Variants in GTF2A1L observed in about 807,000 individuals in gnomAD.
GTF2A1L encodes the protein general transcription factor IIA subunit 1 like.
A neutral mutation model predicts 49.7 loss-of-function variants in GTF2A1L; 48 were observed. The observed-to-expected ratio is 0.97, with a 90% CI of 0.77 to 1.23. The LOEUF is 1.23. Ranked by LOEUF, GTF2A1L falls within the 50% of genes most tolerant of loss-of-function variation. The pLI is 0.00. For synonymous variants in GTF2A1L, 246 were observed against 193.5 expected, an observed-to-expected ratio of 1.27 and a Z score of -2.25; for missense variants, 736 against 564.8, an observed-to-expected ratio of 1.30 and a Z score of -3.07.
intron 8 of GTF2A1L, among the ~76,000 whole-genome samples, chr2:48,677,095 T>C (rs145637643): frequency 6.6e-6 from 1 of 152,066 alleles, no homozygotes; most frequent in East Asian, 1.9e-4. Flanking sequence ...CATAGGCCTA[T>C]GCTACTCTGA....
At chr2:48,664,874 C>G (rs185243099) in intron 6 of GTF2A1L, among the ~76,000 whole-genome samples, 11 of 152,218 alleles carry the variant, frequency 7.2e-5, no homozygotes, top group African/African-American at 2.4e-4. Context: ...CTGTCTGTCT[C>G]TCTCTCTTTC....
intron 3 of GTF2A1L, among the ~76,000 whole-genome samples, chr2:48,631,312 G>C (rs1676556597): frequency 6.6e-6 from 1 of 151,982 alleles, no homozygotes; most frequent in African/African-American, 2.4e-5. Flanking sequence ...ACTCGATATT[G>C]GTCTGTTCAG....
chr2:48,636,016 C>T (rs1005576242), intron 3 of GTF2A1L, among the ~76,000 whole-genome samples: 2 of 152,162 alleles, frequency 1.3e-5, no homozygotes, highest in Non-Finnish European at 2.9e-5. Flanking sequence ...GCTTCACTTA[C>T]TTTTATCAGC....
At chr2:48,631,446 A>G (rs1676567847) in intron 3 of GTF2A1L, among the ~76,000 whole-genome samples, 1 of 151,678 alleles carries the variant, frequency 6.6e-6, no homozygotes, top group African/African-American at 2.4e-5. Context: ...GATCTTTTGT[A>G]TTTCTGTGAT....
At chr2:48,663,530 T>G (rs1026622936) in intron 6 of GTF2A1L, among the ~76,000 whole-genome samples, 1 of 152,222 alleles carries the variant, frequency 6.6e-6, no homozygotes, top group Non-Finnish European at 1.5e-5. Context: ...CCTAGAAGTA[T>G]TAAAGTGTAA....
chr2:48,674,384 TC>T (rs1304280804), intron 8 of GTF2A1L, among the ~76,000 whole-genome samples: 5 of 152,116 alleles, frequency 3.3e-5, no homozygotes, highest in Admixed American at 1.3e-4. Flanking sequence ...CTTTTTTTTT[TC>T]CAGTCACAAT....
intron 6 of GTF2A1L, among the ~76,000 whole-genome samples, chr2:48,657,003 T>G (rs1479090443): frequency 1.3e-5 from 2 of 152,246 alleles, no homozygotes; most frequent in Admixed American, 1.3e-4. Flanking sequence ...TGACGTTTTA[T>G]GTAACGGTTT....
chr2:48,640,184 A>G (rs1032813188), intron 3 of GTF2A1L, among the ~76,000 whole-genome samples: 8 of 152,188 alleles, frequency 5.3e-5, no homozygotes, highest in African/African-American at 1.4e-4. Flanking sequence ...TGACCCAGCA[A>G]TCTCATTACT....
rs1679170318 is a variant in GTF2A1L at position 48,671,607 on chromosome 2, G to C, written c.1256G>C (p.Gly419Ala). The change falls in exon 8 of 9, where the codon GGA becomes GCA. Residue 419 changes from glycine (G) to alanine (A), a missense_variant. Physicochemically the swap from Gly to Ala is moderately conservative, Grantham distance 60. Coordinates refer to ENST00000403751, the MANE Select transcript of GTF2A1L (RefSeq NM_006872.5). ...NIVEEDPLNS[G>A]DDVSEQDVPD... ...CGTCTTTAGGACCCTTTAAATTCTG[G>C]AGATGATGTTAGTGAACAGGATGTG... is the stretch of plus-strand genomic sequence containing the variant. The C allele has an allele frequency of 3.7e-6, 6 of 1,613,082 alleles. No homozygotes were observed. The highest frequency in any genetic ancestry group is 5.1e-6 in the Non-Finnish European group (6 of 1,179,534).
chr2:48,661,777 T>A (rs1486865674), intron 6 of GTF2A1L, among the ~76,000 whole-genome samples: 1 of 152,202 alleles, frequency 6.6e-6, no homozygotes, highest in Non-Finnish European at 1.5e-5. Context: ...TCTTTTCCCT[T>A]CCAACCTATT....
chr2:48,671,239 G>T (rs1230067309), intron 7 of GTF2A1L, among the ~76,000 whole-genome samples: 1 of 152,060 alleles, frequency 6.6e-6, no homozygotes, highest in Non-Finnish European at 1.5e-5. Flanking sequence ...GTCTCGCTCT[G>T]TCGCTCAGGC....
chr2:48,650,283 C>A (rs1439214450), intron 6 of GTF2A1L, among the ~76,000 whole-genome samples: 1 of 151,904 alleles, frequency 6.6e-6, no homozygotes, highest in Non-Finnish European at 1.5e-5. Context: ...TGAATCCTGG[C>A]TGAATGATCA....
intron 3 of GTF2A1L, among the ~76,000 whole-genome samples, chr2:48,631,270 G>A (rs1381006820): frequency 1.3e-5 from 2 of 151,948 alleles, no homozygotes; most frequent in Non-Finnish European, 1.5e-5. Context: ...TTTTTTGGGT[G>A]GTAGGTTTTT....
chr2:48,656,014 C>G (rs543006390), intron 6 of GTF2A1L, among the ~76,000 whole-genome samples: 1 of 152,282 alleles, frequency 6.6e-6, no homozygotes, highest in South Asian at 2.1e-4. Context: ...CAGAACTTAT[C>G]TCCTTGTTTT....
intron 8 of GTF2A1L, among the ~76,000 whole-genome samples, chr2:48,672,519 G>A (rs1277046663): frequency 6.6e-6 from 1 of 152,170 alleles, no homozygotes; most frequent in African/African-American, 2.4e-5. Context: ...GACGTGAAGT[G>A]CCCAGAACCC....
At chr2:48,628,942 T>C (rs1676433291) in intron 3 of GTF2A1L, among the ~76,000 whole-genome samples, 1 of 143,362 alleles carries the variant, frequency 7.0e-6, no homozygotes, top group Non-Finnish European at 1.6e-5. Flanking sequence ...GGAGGTGTGG[T>C]AGGAAGAAAG....
intron 6 of GTF2A1L, among the ~76,000 whole-genome samples, chr2:48,650,870 G>A (rs554774029): frequency 5.5e-4 from 84 of 152,238 alleles, no homozygotes; most frequent in Non-Finnish European, 9.6e-4. Flanking sequence ...AATATGCCCT[G>A]CCATTACAAT....
intron 6 of GTF2A1L, among the ~76,000 whole-genome samples, chr2:48,662,650 A>G: frequency 8.1e-6 from 1 of 124,088 alleles, no homozygotes; most frequent in Non-Finnish European, 1.6e-5. Flanking sequence ...ATCTTGGTTG[A>G]TCTTTTTTTT....
intron 4 of GTF2A1L, among the ~76,000 whole-genome samples, chr2:48,643,694 T>A (rs1374300712): frequency 5.4e-5 from 3 of 55,146 alleles, no homozygotes; most frequent in Non-Finnish European, 1.2e-4. Flanking sequence ...ATTAATACAA[T>A]TTTTTTTTTT....
Sources: gnomAD v4.1 joint callset for allele counts (sites outside exome capture counted in the v4.1 genomes callset) on GRCh38, gnomAD v4.1.1 for gene constraint, MANE v1.5 for transcripts, NCBI Gene and HGNC (gene_info 2026-07-23, HGNC 2026-07-21) for gene names.